TMEM245: variants seen among roughly 807,000 people sequenced by gnomAD.
The protein encoded by TMEM245 is transmembrane protein 245.
In TMEM245, 69 loss-of-function variants were observed where a neutral mutation model predicts 101.2. The ratio of observed to expected loss-of-function variants is 0.68; its 90% CI spans 0.56 to 0.83. The LOEUF (loss-of-function observed/expected upper bound fraction) is 0.83, where lower values mean the gene tolerates loss of function less well. Ranked by LOEUF, TMEM245 falls within the 40% of genes least tolerant of loss-of-function variation. TMEM245 has a pLI of 0.00. For missense variants in TMEM245, 1,075 were observed against 1,092.8 expected (o/e 0.98, Z 0.23); for synonymous variants, 537 against 449.8 (o/e 1.19, Z -2.45).
At chr9:109,068,745 T>C (rs1239310298) in intron 9 of TMEM245, among the ~76,000 whole-genome samples, 2 of 152,218 alleles carry the variant, frequency 1.3e-5, no homozygotes, top group Non-Finnish European at 2.9e-5. Context: ...AGAATTATGC[T>C]AAGCAACAAA....
intron 1 of TMEM245, among the ~76,000 whole-genome samples, chr9:109,115,522 CTTTTTTTTTTTTTTT>C (rs752894720): frequency 1.5e-5 from 1 of 67,194 alleles, no homozygotes; most frequent in South Asian, 6.5e-4. Flanking sequence ...TAACTGGAAT[CTTTTTTTTTTTTTTT>C]TTTTTTTTTT....
At chr9:109,085,861 C>T (rs898786094) in intron 7 of TMEM245, 136 bp downstream of exon 7, 4 of 948,694 alleles carry the variant, frequency 4.2e-6, no homozygotes, top group Non-Finnish European at 6.6e-6. Flanking sequence ...TGCTTCACAA[C>T]CTTCCATAGC....
intron 9 of TMEM245, among the ~76,000 whole-genome samples, chr9:109,072,864 T>C (rs1039205133): frequency 1.1e-4 from 17 of 152,174 alleles, no homozygotes; most frequent in African/African-American, 3.9e-4. Context: ...ATAACATAAA[T>C]TTAAAAATTA....
Position 109,087,165 on chromosome 9 carries a change from T to C in TMEM245, c.1320+8A>G, listed in dbSNP as rs1235601654. The C allele has an allele frequency of 1.2e-6, 2 of 1,601,426 alleles. No individual in the cohort carries two copies. Among genetic ancestry groups the C allele is most frequent in the Admixed American group, 1.8e-5 (1 of 55,938 alleles). On this transcript the variant is annotated splice_region_variant and intron_variant, in intron 6 of 17. Coordinates refer to ENST00000374586, the MANE Select transcript of TMEM245 (RefSeq NM_032012.4). ...ATTAAGACAGCCCAAGTCCTTAAAA[T>C]ACAATACCTTGCTATCAACTTTTAA...
chr9:109,046,177 A>T, intron 14 of TMEM245: 1 of 525,298 alleles, frequency 1.9e-6, no homozygotes. Flanking sequence ...CTGGCACTGA[A>T]AAGCTGTAAT....
At chr9:109,055,511 G>A (rs570640878) in intron 12 of TMEM245, among the ~76,000 whole-genome samples, 140 of 152,246 alleles carry the variant, frequency 9.2e-4, no homozygotes, top group Non-Finnish European at 1.8e-3. Context: ...GAGAGCAGAA[G>A]TCATTTTAAA....
At chr9:109,108,341 A>C (rs1830479760) in intron 2 of TMEM245, 112 bp downstream of exon 2, 2 of 460,774 alleles carry the variant, frequency 4.3e-6, no homozygotes, top group South Asian at 1.1e-4. Flanking sequence ...AAGATTAAGA[A>C]TGTTAAATGC....
In TMEM245 at chr9:109,033,321, A is replaced by G; in HGVS notation, c.2580T>C (p.Pro860=). 1 of 1,609,384 alleles carries G rather than the reference A, an allele frequency of 6.2e-7. No individual in the cohort carries two copies. Among genetic ancestry groups the G allele is most frequent in the Non-Finnish European group, 8.5e-7 (1 of 1,177,876 alleles). The change falls in exon 17 of 18, where the codon CCT becomes CCC. Residue 860 remains proline, a synonymous_variant. Transcript: ENST00000374586. ...SVPTPNQTPW[P]AQPQRTFRDI... ...CTTTAACTCACCGCTGAGGCTGAGC[A>G]GGCCATGGGGTCTGGTTTGGCGTGG...
intron 1 of TMEM245, among the ~76,000 whole-genome samples, chr9:109,115,553 CAG>C (rs1830701163): frequency 1.1e-5 from 1 of 87,858 alleles, no homozygotes; most frequent in Non-Finnish European, 2.1e-5. Flanking sequence ...TTTTTTAAGA[CAG>C]AGTCTCACTC....
chr9:109,112,466 A>G (rs12348746), intron 1 of TMEM245, among the ~76,000 whole-genome samples: 72,858 of 150,736 alleles, frequency 0.48, 17,835 homozygotes, highest in Admixed American at 0.55. Flanking sequence ...GCTTGAACCC[A>G]GGAGGTGGAG....
At chr9:109,040,429 T>C (rs577123471) in intron 14 of TMEM245, among the ~76,000 whole-genome samples, 2 of 152,196 alleles carry the variant, frequency 1.3e-5, no homozygotes, top group African/African-American at 2.4e-5. Flanking sequence ...TCTATAACCA[T>C]CATTACAATC....
At chr9:109,092,497 T>A (rs1365209259) in intron 4 of TMEM245, among the ~76,000 whole-genome samples, 1 of 152,266 alleles carries the variant, frequency 6.6e-6, no homozygotes, top group East Asian at 1.9e-4. Context: ...CTCTGAGTTA[T>A]CTTTCTAATT....
chr9:109,061,309 T>C (rs1829005267), intron 10 of TMEM245, among the ~76,000 whole-genome samples: 1 of 152,018 alleles, frequency 6.6e-6, no homozygotes, highest in South Asian at 2.1e-4. Flanking sequence ...GAGTAAGACC[T>C]GGTCTCAGAA....
chr9:109,084,056 G>C (rs1006204955), intron 7 of TMEM245, among the ~76,000 whole-genome samples: 1 of 150,012 alleles, frequency 6.7e-6, no homozygotes, highest in East Asian at 2.0e-4. Context: ...TCCAGCCTGG[G>C]TGACAGAGTG....
intron 11 of TMEM245, among the ~76,000 whole-genome samples, chr9:109,057,931 T>TC (rs1336412078): frequency 6.6e-5 from 10 of 151,340 alleles, no homozygotes; most frequent in Non-Finnish European, 1.5e-4. Flanking sequence ...CTTTCTTTTT[T>TC]TTTTTTTTTT....
At chr9:109,106,037 G>C (rs1165311858) in intron 3 of TMEM245, among the ~76,000 whole-genome samples, 1 of 152,198 alleles carries the variant, frequency 6.6e-6, no homozygotes, top group Non-Finnish European at 1.5e-5. Context: ...CTCCCAAAGT[G>C]CTGGGATTAC....
At chr9:109,036,841 G>C (rs1194673546) in intron 15 of TMEM245, among the ~76,000 whole-genome samples, 1 of 152,184 alleles carries the variant, frequency 6.6e-6, no homozygotes, top group African/African-American at 2.4e-5. Context: ...AGAGCAGTAT[G>C]TTCAAGCACT....
At chr9:109,090,775 G>T in intron 5 of TMEM245, 147 bp downstream of exon 5, 2 of 687,424 alleles carry the variant, frequency 2.9e-6, no homozygotes, top group Non-Finnish European at 4.7e-6. Context: ...TAACCAAATG[G>T]TGTTTGTTTA....
chr9:109,023,663 TC>T (rs1487792730), intron 17 of TMEM245, among the ~76,000 whole-genome samples: 7 of 151,858 alleles, frequency 4.6e-5, no homozygotes, highest in Admixed American at 2.6e-4. Context: ...TGAAACCCCG[TC>T]CCCACTAAAA....
Sources: allele counts gnomAD v4.1 joint callset (sites outside exome capture counted in the v4.1 genomes callset), GRCh38; gene constraint gnomAD v4.1.1; transcripts MANE v1.5; gene names NCBI Gene and HGNC (gene_info 2026-07-23, HGNC 2026-07-21).